Variants in ICMT observed in about 807,000 individuals in gnomAD.
ICMT encodes protein-S-isoprenylcysteine O-methyltransferase.
ICMT carries 10 observed loss-of-function variants against 32.2 expected under a neutral mutation model. The observed-to-expected ratio is 0.31, with a 90% CI of 0.19 to 0.53. ICMT has a LOEUF of 0.53. Ranked by LOEUF, ICMT falls within the 20% of genes least tolerant of loss-of-function variation. The pLI, the probability that ICMT is intolerant of heterozygous loss-of-function variation, is 0.96. For synonymous variants in ICMT, 183 were observed against 158.2 expected, an observed-to-expected ratio of 1.16 and a Z score of -1.18; for missense variants, 265 against 356.9, an observed-to-expected ratio of 0.74 and a Z score of 2.07.
intron 4 of ICMT, among the ~76,000 whole-genome samples, chr1:6,231,665 A>G (rs1463853469): frequency 6.6e-6 from 1 of 152,200 alleles, no homozygotes; most frequent in Non-Finnish European, 1.5e-5. Context: ...TTCTGGGCAC[A>G]TAGTGAAAAG....
At chr1:6,232,594 G>A (rs1172345263) in intron 3 of ICMT, among the ~76,000 whole-genome samples, 1 of 152,240 alleles carries the variant, frequency 6.6e-6, no homozygotes, top group African/African-American at 2.4e-5. Context: ...CATTGCCCAG[G>A]CTGGAGTGCA....
chr1:6,229,902 G>A (rs1668706830), intron 4 of ICMT, among the ~76,000 whole-genome samples: 1 of 151,986 alleles, frequency 6.6e-6, no homozygotes, highest in Middle Eastern at 3.4e-3. Context: ...GATTCTTGCT[G>A]TGTCACCCTG....
intron 4 of ICMT, among the ~76,000 whole-genome samples, chr1:6,228,856 T>TA (rs1668685424): frequency 6.7e-6 from 1 of 149,494 alleles, no homozygotes; most frequent in Admixed American, 6.7e-5. Context: ...GTGAAACCCC[T>TA]ACTAAACCTA....
At position 6,221,730 on chromosome 1, in the gene ICMT, CT is replaced by C. The variant is rs1668554762; in HGVS notation, c.*3349del. On this transcript the variant is annotated 3_prime_UTR_variant, in exon 5 of 5. Transcript: ENST00000343813. ...CCTACTTTTTAGGCTCAAGGAGCAG[CT>C]CGTGAAGGGGTGGCAGGTGCGCTGC... 1 of 152,314 alleles carries C rather than the reference CT, an allele frequency of 6.6e-6. No homozygotes were observed. Among genetic ancestry groups the C allele is most frequent in the Non-Finnish European group, 1.5e-5 (1 of 68,050 alleles). The allele number at this position is 152,314 out of a possible 1,614,324, so 9.4% of individuals were successfully genotyped here.
chr1:6,228,278 C>T (rs1292273211), intron 4 of ICMT, among the ~76,000 whole-genome samples: 1 of 151,658 alleles, frequency 6.6e-6, no homozygotes, highest in Non-Finnish European at 1.5e-5. Flanking sequence ...CTACAACTTC[C>T]AGATATATTT....
At chr1:6,235,631 G>C (rs983531730) in intron 1 of ICMT, 86 bp downstream of exon 1, 1 of 941,414 alleles carries the variant, frequency 1.1e-6, no homozygotes, top group African/African-American at 1.8e-5. Context: ...GGCCACTGCG[G>C]GCCCGGGGAG....
chr1:6,233,875 G>C (rs942896222), intron 2 of ICMT, among the ~76,000 whole-genome samples: 10 of 152,208 alleles, frequency 6.6e-5, no homozygotes, highest in African/African-American at 2.4e-4. Flanking sequence ...TTGAGACAGA[G>C]TCTCGCTGTG....
At chr1:6,234,041 G>A (rs754838639) in intron 2 of ICMT, among the ~76,000 whole-genome samples, 1 of 152,162 alleles carries the variant, frequency 6.6e-6, no homozygotes, top group African/African-American at 2.4e-5. Context: ...TAGAGACAGG[G>A]TTTCGCTATG....
rs1469540287 is a variant in ICMT at position 6,235,950 on chromosome 1, G to GCAGCCCGGAGAAACGCGCCGGC, written c.-40_-39insGCCGGCGCGTTTCTCCGGGCTG. The GCAGCCCGGAGAAACGCGCCGGC allele has an allele frequency of 1.7e-5, 18 of 1,054,022 alleles. No individual in the cohort carries two copies. The highest frequency in any genetic ancestry group is 5.1e-5 in the African/African-American group (3 of 59,268). 65.3% of individuals were successfully genotyped at this position (1,054,022 alleles called of 1,614,324 possible). A position where few individuals can be genotyped will look rare whatever the true frequency, so the allele number is the denominator to read the frequency against. On this transcript the variant is annotated 5_prime_UTR_variant, in exon 1 of 5. Coordinates refer to ENST00000343813, the MANE Select transcript of ICMT (RefSeq NM_012405.4). ...GGACTAGCGGGCGGCGGCGCCGGCT[G>GCAGCCCGGAGAAACGCGCCGGC]TAGCCCGGAGAAACGCGCCGGCTGC...
Position 6,235,962 on chromosome 1 carries a change from A to AACGCGCCGGCTGCAGCCCGGAGAC in ICMT, c.-52_-51insGTCTCCGGGCTGCAGCCGGCGCGT. 2 of 987,268 alleles carry AACGCGCCGGCTGCAGCCCGGAGAC rather than the reference A, an allele frequency of 2.0e-6. No individual in the cohort carries two copies. Among genetic ancestry groups the AACGCGCCGGCTGCAGCCCGGAGAC allele is most frequent in the Non-Finnish European group, 2.5e-6 (2 of 805,492 alleles). 61.2% of individuals were successfully genotyped at this position (987,268 alleles called of 1,614,324 possible). A position where few individuals can be genotyped will look rare whatever the true frequency, so the allele number is the denominator to read the frequency against. The stretch of plus-strand genomic sequence containing the variant: ...GGCGGCGCCGGCTGTAGCCCGGAGA[A>AACGCGCCGGCTGCAGCCCGGAGAC]ACGCGCCGGCTGCGCCTGCGCACTG... On this transcript the variant is annotated 5_prime_UTR_variant, in exon 1 of 5. Coordinates refer to ENST00000343813, the MANE Select transcript of ICMT (RefSeq NM_012405.4).
At position 6,228,266 on chromosome 1, in the gene ICMT, C is replaced by T. The variant is rs565763206; in HGVS notation, c.673-3004G>A. On this transcript the variant is annotated intron_variant, in intron 4 of 4. Coordinates refer to ENST00000343813, the MANE Select transcript of ICMT (RefSeq NM_012405.4). Reference sequence around the variant, plus strand: ...CTGAGTAGCTGGGACTACAGGTGCACACTACAACTTCCAGATATATTTTTA... The same window carrying T: ...CTGAGTAGCTGGGACTACAGGTGCATACTACAACTTCCAGATATATTTTTA... Among the ~76,000 whole-genome samples the T allele has an allele frequency of 4.9e-4, 75 of 151,640 alleles. 1 individual carries two copies. Among genetic ancestry groups the T allele is most frequent in the Non-Finnish European group, 1.0e-3 (71 of 67,862 alleles).
intron 4 of ICMT, among the ~76,000 whole-genome samples, chr1:6,228,018 A>C (rs1668672052): frequency 6.6e-6 from 1 of 152,212 alleles, no homozygotes; most frequent in Non-Finnish European, 1.5e-5. Flanking sequence ...ACAAAAAGTT[A>C]GCTGGGCATG....
chr1:6,233,414 C>T (rs1668767639), intron 3 of ICMT, 60 bp downstream of exon 3: 1 of 1,492,382 alleles, frequency 6.7e-7, no homozygotes, highest in Non-Finnish European at 9.2e-7. Context: ...ATGTCACTGT[C>T]CTCAGCCTGA....
chr1:6,231,856 C>CT (rs1009296229), intron 4 of ICMT, 46 bp downstream of exon 4: 1 of 1,129,466 alleles, frequency 8.9e-7, no homozygotes, highest in Admixed American at 2.4e-5. Context: ...TAAAATGTTA[C>CT]TTAAAAAAAA....
At position 6,222,262 on chromosome 1, in the gene ICMT, A is replaced by G. The variant is rs1170668136; in HGVS notation, c.*2818T>C. 1 of 152,216 alleles carries G rather than the reference A, an allele frequency of 6.6e-6. No individual in the cohort carries two copies. Among genetic ancestry groups the G allele is most frequent in the East Asian group, 1.9e-4 (1 of 5,194 alleles). 9.4% of individuals were successfully genotyped at this position (152,216 alleles called of 1,614,324 possible). ...ATGGTGAAACCCCGTCTCTACTAAAAATACAAAAAAATTAGCTGGGCATGG... is the reference window on the plus strand; with the variant it reads ...ATGGTGAAACCCCGTCTCTACTAAAGATACAAAAAAATTAGCTGGGCATGG... On this transcript the variant is annotated 3_prime_UTR_variant, in exon 5 of 5. Transcript: ENST00000343813.
chr1:6,228,070 CAGA>C lies in ICMT; in HGVS notation c.673-2811_673-2809del, dbSNP rs1262141702. Reference sequence around the variant, plus strand: ...GTCCCAGCTACTCAGGAGACAAAAGCAGAAGGTCTGCTGGAACCCAGGAGTTTG... The same window carrying C: ...GTCCCAGCTACTCAGGAGACAAAAGCAGGTCTGCTGGAACCCAGGAGTTTG... On this transcript the variant is annotated intron_variant, in intron 4 of 4. Transcript: ENST00000343813. Among the ~76,000 whole-genome samples, 3 of 152,204 alleles carry C rather than the reference CAGA, an allele frequency of 2.0e-5. No individual in the cohort carries two copies. In the East Asian group the frequency reaches 5.8e-4, roughly 29 times the overall value.
Position 6,224,441 on chromosome 1 carries a change from A to C in ICMT, c.*639T>G, listed in dbSNP as rs1668608151. 6.6e-6 allele frequency: 1 copy of C among 152,226 alleles called. No individual in the cohort carries two copies. Among genetic ancestry groups the C allele is most frequent in the Non-Finnish European group, 1.5e-5 (1 of 68,058 alleles). The allele number at this position is 152,226 out of a possible 1,614,324, so 9.4% of individuals were successfully genotyped here. Reference sequence around the variant, plus strand: ...TTACTTGCTGCAGGATAAAAGTTGAACTAGAACACCAAGCATTGAGCTAGG... The same window carrying C: ...TTACTTGCTGCAGGATAAAAGTTGACCTAGAACACCAAGCATTGAGCTAGG... On this transcript the variant is annotated 3_prime_UTR_variant, in exon 5 of 5. Coordinates refer to ENST00000343813, the MANE Select transcript of ICMT (RefSeq NM_012405.4).
rs572033806 is a variant in ICMT, at chr1:6,221,659, G to C, written c.*3421C>G. 2 of 152,620 alleles carry C rather than the reference G, an allele frequency of 1.3e-5. No individual in the cohort carries two copies. Among genetic ancestry groups the C allele is most frequent in the Non-Finnish European group, 2.9e-5 (2 of 68,050 alleles). The allele number at this position is 152,620 out of a possible 1,614,324, so 9.5% of individuals were successfully genotyped here. A position where few individuals can be genotyped will look rare whatever the true frequency, so the allele number is the denominator to read the frequency against. Reference sequence around the variant, plus strand: ...TGGTTTAGGAACATTTTCCCCGGTCGTATCAATCCCCCAGGTTGGTAAATG... The same window carrying C: ...TGGTTTAGGAACATTTTCCCCGGTCCTATCAATCCCCCAGGTTGGTAAATG... On this transcript the variant is annotated 3_prime_UTR_variant, in exon 5 of 5. Coordinates refer to ENST00000343813, the MANE Select transcript of ICMT (RefSeq NM_012405.4).
chr1:6,232,861 C>T (rs1668759029), intron 3 of ICMT, among the ~76,000 whole-genome samples: 4 of 140,334 alleles, frequency 2.9e-5, no homozygotes, highest in Non-Finnish European at 6.2e-5. Context: ...TTAGTAAACT[C>T]TTTTTTTTTT....
Sources: gnomAD v4.1 joint callset for allele counts (sites outside exome capture counted in the v4.1 genomes callset) on GRCh38, gnomAD v4.1.1 for gene constraint, MANE v1.5 for transcripts, NCBI Gene and HGNC (gene_info 2026-07-23, HGNC 2026-07-21) for gene names.